ATXN7L1: variants seen among roughly 807,000 people sequenced by gnomAD.
ATXN7L1 encodes ataxin 7 like 1, also known as ataxin-7-like protein 1.
In ATXN7L1, 15 loss-of-function variants were observed where a neutral mutation model predicts 70.8. The ratio of observed to expected loss-of-function variants is 0.21; its 90% CI spans 0.14 to 0.33. The LOEUF is 0.33. Among genes scored for constraint, ATXN7L1 ranks in the 10% least tolerant of loss-of-function variants. The pLI, the probability that ATXN7L1 is intolerant of heterozygous loss-of-function variation, is 1.00. For missense variants in ATXN7L1, 975 were observed against 1,097.1 expected (o/e 0.89, Z 1.57); for synonymous variants, 440 against 445.1 (o/e 0.99, Z 0.14).
chr7:105,752,594 G>C (rs776889566), intron 3 of ATXN7L1, among the ~76,000 whole-genome samples: 59 of 152,284 alleles, frequency 3.9e-4, no homozygotes, highest in Middle Eastern at 6.8e-3. Flanking sequence ...CAAACATGTA[G>C]TTGAGGCTGA....
At chr7:105,778,395 C>T (rs901444770) in intron 3 of ATXN7L1, among the ~76,000 whole-genome samples, 4 of 150,192 alleles carry the variant, frequency 2.7e-5, no homozygotes, top group Non-Finnish European at 5.9e-5. Flanking sequence ...CCTGTGGTCC[C>T]AGCTACTCGG....
At chr7:105,638,110 C>T (rs1797649600) in intron 7 of ATXN7L1, among the ~76,000 whole-genome samples, 1 of 152,174 alleles carries the variant, frequency 6.6e-6, no homozygotes, top group Non-Finnish European at 1.5e-5. Context: ...TCCGCTGCTG[C>T]TGACAATGAT....
chr7:105,701,526 G>A (rs1318412587), intron 3 of ATXN7L1, among the ~76,000 whole-genome samples: 1 of 151,820 alleles, frequency 6.6e-6, no homozygotes, highest in Non-Finnish European at 1.5e-5. Context: ...TTTATAATAA[G>A]AACAAAGGCA....
intron 7 of ATXN7L1, among the ~76,000 whole-genome samples, chr7:105,628,386 T>C (rs1796055138): frequency 6.6e-6 from 1 of 151,544 alleles, no homozygotes; most frequent in Non-Finnish European, 1.5e-5. Context: ...GAAAATAGAG[T>C]TAGTAGTACA....
In ATXN7L1 at chr7:105,733,681, C is replaced by CCCATCCACCCATCCATCCATTCAT. The variant is rs1584872247; in HGVS notation, c.355+54899_355+54922dup. Among the ~76,000 whole-genome samples the CCCATCCACCCATCCATCCATTCAT allele has an allele frequency of 5.0e-3, 32 of 6,450 alleles. 5 individuals carry two copies. Among genetic ancestry groups the CCCATCCACCCATCCATCCATTCAT allele is most frequent in the Non-Finnish European group, 7.2e-3 (22 of 3,040 alleles). 4.2% of individuals were successfully genotyped at this position (6,450 alleles called of 152,430 possible). The stretch of plus-strand genomic sequence containing the variant: ...ATCCATCCATCCATCCATCCATCCA[C>CCCATCCACCCATCCATCCATTCAT]CCATCCACCCATCCATCCATTCATC... On this transcript the variant is annotated intron_variant, in intron 3 of 11. Coordinates refer to ENST00000419735, the MANE Select transcript of ATXN7L1 (RefSeq NM_020725.2).
rs1784197 is a variant in ATXN7L1 at position 105,776,653 on chromosome 7, T to A, written c.355+11951A>T. Reference sequence around the variant, plus strand: ...GAGGGGGGAGGGGTGGATAAGTACATAAGAATTTGCACCAGCCACCATATA... The same window carrying A: ...GAGGGGGGAGGGGTGGATAAGTACAAAAGAATTTGCACCAGCCACCATATA... On this transcript the variant is annotated intron_variant, in intron 3 of 11. Transcript: ENST00000419735. Among the ~76,000 whole-genome samples the A allele has an allele frequency of 8.6e-3, 1,308 of 152,158 alleles. 23 individuals carry two copies. The highest frequency in any genetic ancestry group is 0.028 in the African/African-American group (1,160 of 41,482).
intron 3 of ATXN7L1, among the ~76,000 whole-genome samples, chr7:105,698,798 T>C (rs1412691232): frequency 1.3e-5 from 2 of 152,340 alleles, no homozygotes; most frequent in Non-Finnish European, 2.9e-5. Context: ...TGAAGTTCCC[T>C]GAGGGCAGGT....
At chr7:105,870,224 G>A (rs1057265162) in intron 2 of ATXN7L1, among the ~76,000 whole-genome samples, 6 of 149,966 alleles carry the variant, frequency 4.0e-5, no homozygotes, top group Non-Finnish European at 8.8e-5. Context: ...GGAGGTCGCA[G>A]TGAGCTGAGA....
At chr7:105,696,580 A>C (rs1292603077) in intron 3 of ATXN7L1, among the ~76,000 whole-genome samples, 1 of 152,264 alleles carries the variant, frequency 6.6e-6, no homozygotes, top group African/African-American at 2.4e-5. Context: ...CTGAAAGTCC[A>C]TGAGGCCTAG....
At chr7:105,775,041 A>G (rs1240923680) in intron 3 of ATXN7L1, among the ~76,000 whole-genome samples, 1 of 152,198 alleles carries the variant, frequency 6.6e-6, no homozygotes, top group East Asian at 1.9e-4. Context: ...TTTTCCAGGT[A>G]AAGTGGGATT....
intron 10 of ATXN7L1, 24 bp from the exon 11 acceptor site, chr7:105,610,627 A>T: frequency 6.5e-7 from 1 of 1,546,390 alleles, no homozygotes; most frequent in Non-Finnish European, 8.7e-7. Context: ...TTGAAGCCCC[A>T]CTCAGACACA....
intron 2 of ATXN7L1, among the ~76,000 whole-genome samples, chr7:105,860,785 T>A (rs748774349): frequency 6.6e-6 from 1 of 152,186 alleles, no homozygotes; most frequent in Non-Finnish European, 1.5e-5. Context: ...AAAAACAAGA[T>A]GCTTAGTCGA....
rs1793639725 is a variant in ATXN7L1, at chr7:105,614,875, G to A, written c.1518-59C>T. 6.7e-6 allele frequency: 10 copies of A among 1,497,852 alleles called. No individual in the cohort carries two copies. Among genetic ancestry groups the A allele is most frequent in the Non-Finnish European group, 8.0e-6 (9 of 1,118,080 alleles). 92.8% of individuals were successfully genotyped at this position (1,497,852 alleles called of 1,614,324 possible). A position where few individuals can be genotyped will look rare whatever the true frequency, so the allele number is the denominator to read the frequency against. ...GAGACATCGGGTTGGCATTGCTCAG[G>A]AGGCTCGATGACGTTTGAGGATCAG... On this transcript the variant is annotated intron_variant, in intron 9 of 11. Coordinates refer to ENST00000419735, the MANE Select transcript of ATXN7L1 (RefSeq NM_020725.2). The surrounding 1 kb of genome is among the most constrained non-coding windows in gnomAD (Gnocchi z 4.3).
chr7:105,654,982 G>A (rs967057278), intron 4 of ATXN7L1, among the ~76,000 whole-genome samples: 1 of 150,778 alleles, frequency 6.6e-6, no homozygotes, highest in Non-Finnish European at 1.5e-5. Context: ...CACCTCAAGC[G>A]ATCTGCCCGC....
chr7:105,717,158 C>T (rs1037302133), intron 3 of ATXN7L1, among the ~76,000 whole-genome samples: 3 of 152,036 alleles, frequency 2.0e-5, no homozygotes, highest in East Asian at 1.9e-4. Context: ...GATGGGGTCT[C>T]GCTCTGTCGC....
chr7:105,654,980 G>C (rs1800396998), intron 4 of ATXN7L1, among the ~76,000 whole-genome samples: 1 of 150,626 alleles, frequency 6.6e-6, no homozygotes, highest in Non-Finnish European at 1.5e-5. Flanking sequence ...CTCACCTCAA[G>C]CGATCTGCCC....
chr7:105,806,215 G>A (rs958645366), intron 2 of ATXN7L1, among the ~76,000 whole-genome samples: 5 of 152,082 alleles, frequency 3.3e-5, no homozygotes, highest in African/African-American at 9.7e-5. Flanking sequence ...CACCCAGTGA[G>A]GTGGTATAAG....
At chr7:105,866,132 C>T (rs1434195168) in intron 2 of ATXN7L1, among the ~76,000 whole-genome samples, 1 of 152,116 alleles carries the variant, frequency 6.6e-6, no homozygotes, top group Non-Finnish European at 1.5e-5. Context: ...CTGTCAATGC[C>T]TTGAGGTAAG....
intron 3 of ATXN7L1, among the ~76,000 whole-genome samples, chr7:105,706,645 C>A (rs1453315916): frequency 6.6e-6 from 1 of 152,260 alleles, no homozygotes; most frequent in African/African-American, 2.4e-5. Flanking sequence ...ACTATGCCAG[C>A]CACCAGCATC....
Sources: allele counts gnomAD v4.1 joint callset (sites outside exome capture counted in the v4.1 genomes callset), GRCh38; gene constraint gnomAD v4.1.1; non-coding constraint Gnocchi (gnomAD v3.1); transcripts MANE v1.5; gene names NCBI Gene and HGNC (gene_info 2026-07-23, HGNC 2026-07-21).